The following SPTB variants were observed in gnomAD, a reference collection of about 807,000 sequenced individuals.
SPTB encodes the protein spectrin beta, erythrocytic.
Under a neutral mutation model 256.2 loss-of-function variants are expected in SPTB, and 45 were observed. That is an observed-to-expected ratio of 0.18 (90% CI 0.14 to 0.23). The LOEUF (loss-of-function observed/expected upper bound fraction) is 0.23. SPTB is among the 10% of genes least tolerant of loss of function. The probability of loss-of-function intolerance (pLI) is 1.00; values close to 1 mark genes in which losing one functional copy is unlikely to be tolerated. For missense variants in SPTB, 2,715 were observed against 3,040.4 expected, an observed-to-expected ratio of 0.89 and a Z score of 2.52; for synonymous variants, 1,231 against 1,243.1, an observed-to-expected ratio of 0.99 and a Z score of 0.21.
Position 64,792,265 on chromosome 14 carries a change from C to T in SPTB, c.2667-409G>A, listed in dbSNP as rs1479598373. Among the ~76,000 whole-genome samples the T allele has an allele frequency of 6.6e-6, 1 of 152,158 alleles. No homozygotes were observed. Among genetic ancestry groups the T allele is most frequent in the Admixed American group, 6.5e-5 (1 of 15,280 alleles). On this transcript the variant is annotated intron_variant, in intron 14 of 35. Transcript: ENST00000644917. The surrounding 1 kb of genome is among the most constrained non-coding windows in gnomAD (Gnocchi z 4.2). ...AGTCCAATGCCTTGACATCTTAACC[C>T]AAAAGATACCCTTTCCAGCCAGGTG...
Position 64,823,013 on chromosome 14 carries a change from C to G in SPTB, c.82G>C (p.Asp28His). The G allele has an allele frequency of 6.2e-7, 1 of 1,614,114 alleles. No individual in the cohort carries two copies. Among genetic ancestry groups the G allele is most frequent in the Non-Finnish European group, 8.5e-7 (1 of 1,180,024 alleles). ...GAGCTGTTGTCATTATCCAGCTCGT[C>G]GTCTGGGGCGTCCCAGCGGGCATTG... Reference protein sequence around the residue: ...RINARWDAPDDELDNDNSSAR... With the variant: ...RINARWDAPDHELDNDNSSAR... The change falls in exon 2 of 36, where the codon GAC becomes CAC. Residue 28 changes from aspartate to histidine, a missense_variant. Around this residue, in one of 4 missense-constraint regions of SPTB, gnomAD observed 58 missense variants for 67.9 expected, o/e 0.85. Transcript: ENST00000644917. The surrounding 1 kb of genome is among the most constrained non-coding windows in gnomAD (Gnocchi z 6.5).
At chr14:64,859,678 C>A (rs1216453710) in intron 1 of SPTB, among the ~76,000 whole-genome samples, 1 of 132,408 alleles carries the variant, frequency 7.6e-6, no homozygotes, top group Non-Finnish European at 1.6e-5. Flanking sequence ...CAGGGAGACT[C>A]TGTCTCTCTC....
intron 15 of SPTB, 43 bp from the exon 16 acceptor site, chr14:64,787,203 C>T: frequency 6.3e-7 from 1 of 1,598,934 alleles, no homozygotes; most frequent in Admixed American, 1.7e-5. Context: ...GACACCTTCT[C>T]CCTTAGCTCT....
In SPTB at chr14:64,845,589, G is replaced by A. The variant is rs1372463150; in HGVS notation, c.-51-22444C>T. Among the ~76,000 whole-genome samples, 1 of 152,244 alleles carries A rather than the reference G, an allele frequency of 6.6e-6. No homozygotes were observed. The highest frequency in any genetic ancestry group is 1.5e-5 in the Non-Finnish European group (1 of 68,048). ...TAAAGTTTTACCAGACTATAGGACT[G>A]TAGAGATGAAAAGCAAAAGGTTGTG... On this transcript the variant is annotated intron_variant, in intron 1 of 35. Coordinates refer to ENST00000644917, the MANE Select transcript of SPTB (RefSeq NM_001355436.2). The surrounding 1 kb of genome is among the most constrained non-coding windows in gnomAD (Gnocchi z 4.8).
Position 64,779,302 on chromosome 14 carries a change from G to A in SPTB, c.4474-56C>T, listed in dbSNP as rs929293698. On this transcript the variant is annotated intron_variant, in intron 21 of 35. Coordinates refer to ENST00000644917, the MANE Select transcript of SPTB (RefSeq NM_001355436.2). The surrounding 1 kb of genome is among the most constrained non-coding windows in gnomAD (Gnocchi z 4.2). ...ATGACAATCACGGCCAACCTTTCCT[G>A]AGTGCTCACCATGGGCGGCGCAGAG... The A allele has an allele frequency of 1.4e-6, 2 of 1,449,830 alleles. No homozygotes were observed. Among genetic ancestry groups the A allele is most frequent in the African/African-American group, 1.4e-5 (1 of 69,174 alleles). The allele number at this position is 1,449,830 out of a possible 1,614,324, so 89.8% of individuals were successfully genotyped here. A position where few individuals can be genotyped will look rare whatever the true frequency, so the allele number is the denominator to read the frequency against.
Position 64,826,742 on chromosome 14 carries a change from C to T in SPTB, c.-51-3597G>A, listed in dbSNP as rs144427990. On this transcript the variant is annotated intron_variant, in intron 1 of 35. Transcript: ENST00000644917. This position sits in a 1 kb window ranked among gnomAD's most constrained non-coding sequence, Gnocchi z 4.4. ...TTCTCTGGTCTCCGTGACTCTGTGC[C>T]CAGAGAGGTCCACCTGCCCCATCCA... 4.6e-4 allele frequency among the ~76,000 whole-genome samples: 70 copies of T among 152,212 alleles called. No individual in the cohort carries two copies. Among genetic ancestry groups the T allele is most frequent in the Non-Finnish European group, 8.1e-4 (55 of 68,014 alleles).
chr14:64,758,723 CA>C lies in SPTB; in HGVS notation c.6346-4931del, dbSNP rs2082051593. On this transcript the variant is annotated intron_variant, in intron 32 of 35. Coordinates refer to ENST00000644917, the MANE Select transcript of SPTB (RefSeq NM_001355436.2). This position sits in a 1 kb window ranked among gnomAD's most constrained non-coding sequence, Gnocchi z 4.6. The stretch of plus-strand genomic sequence containing the variant: ...TTCCCATCTGCCCAGGGAAAGTGCA[CA>C]AACAGCAGAGAGCAAGCTGGAGGGA... Among the ~76,000 whole-genome samples the C allele has an allele frequency of 6.6e-6, 1 of 152,190 alleles. No homozygotes were observed.
chr14:64,749,458 AG>A lies in SPTB; in HGVS notation c.6834del (p.Trp2279GlyfsTer5). 6.2e-7 allele frequency: 1 copy of A among 1,601,546 alleles called. No individual in the cohort carries two copies. The highest frequency in any genetic ancestry group is 8.5e-7 in the Non-Finnish European group (1 of 1,178,418). The part of the protein sequence containing the change: ...FHGKDEEEML[S>X]WLQGVSTAIN... ...ATGGCGGTGCTCACGCCCTGCAGCC[AG>A]GACAGCATCTCCTCCTGCGGGGCGG... is the stretch of plus-strand genomic sequence containing the variant. On this transcript the variant is annotated frameshift_variant, in exon 36 of 36. Transcript: ENST00000644917. LOFTEE classifies it high-confidence loss of function. This position sits in a 1 kb window ranked among gnomAD's most constrained non-coding sequence, Gnocchi z 4.7.
At chr14:64,879,260 C>G (rs963377817) in intron 1 of SPTB, among the ~76,000 whole-genome samples, 1 of 152,228 alleles carries the variant, frequency 6.6e-6, no homozygotes, top group Non-Finnish European at 1.5e-5. Context: ...GGAGGCCCGG[C>G]CCCCTCTGCT....
rs955389787 is a variant in SPTB, at chr14:64,827,720, T to TA, written c.-51-4576dup. Among the ~76,000 whole-genome samples, 1 of 152,192 alleles carries TA rather than the reference T, an allele frequency of 6.6e-6. No individual in the cohort carries two copies. Among genetic ancestry groups the TA allele is most frequent in the African/African-American group, 2.4e-5 (1 of 41,444 alleles). ...AATAAGACGTGCAGTGCAGAATACTTACTCTAAATCTATCTGCAGCCCTAA... is the reference window on the plus strand; with the variant it reads ...AATAAGACGTGCAGTGCAGAATACTTAACTCTAAATCTATCTGCAGCCCTAA... On this transcript the variant is annotated intron_variant, in intron 1 of 35. Coordinates refer to ENST00000644917, the MANE Select transcript of SPTB (RefSeq NM_001355436.2). This position sits in a 1 kb window ranked among gnomAD's most constrained non-coding sequence, Gnocchi z 4.6.
rs575983862 is a variant in SPTB, at chr14:64,759,046, G to A, written c.6346-5253C>T. Among the ~76,000 whole-genome samples, 2 of 152,264 alleles carry A rather than the reference G, an allele frequency of 1.3e-5. No homozygotes were observed. The highest frequency in any genetic ancestry group is 2.1e-4 in the South Asian group (1 of 4,828). On this transcript the variant is annotated intron_variant, in intron 32 of 35. Coordinates refer to ENST00000644917, the MANE Select transcript of SPTB (RefSeq NM_001355436.2). The surrounding 1 kb of genome is among the most constrained non-coding windows in gnomAD (Gnocchi z 4.8). ...AATTCTAGAGCTGGAAAGAGGCCTT[G>A]GGGTCATGGGACTCAGCCTCTCCTA...
chr14:64,782,481 G>A lies in SPTB; in HGVS notation c.4075C>T (p.Arg1359Trp), dbSNP rs189656371. The A allele has an allele frequency of 8.3e-4, 1,341 of 1,614,114 alleles. 5 individuals are homozygous for A. Among genetic ancestry groups the A allele is most frequent in the South Asian group, 3.8e-3 (342 of 91,078 alleles). Reference sequence around the variant, plus strand: ...GTGGCCTGCAGCTCGTCCCAGAGCCGGTGCAGGGCTTCCAGCTTTTGGGAC... The same window carrying A: ...GTGGCCTGCAGCTCGTCCCAGAGCCAGTGCAGGGCTTCCAGCTTTTGGGAC... ...LVSQKLEALH[R>W]LWDELQATTK... The change falls in exon 20 of 36, where the codon CGG becomes TGG. Residue 1359 changes from arginine (R) to tryptophan (W), a missense_variant. Coordinates refer to ENST00000644917, the MANE Select transcript of SPTB (RefSeq NM_001355436.2).
intron 32 of SPTB, chr14:64,754,488 C>T (rs1225661138): frequency 6.4e-6 from 1 of 155,708 alleles, no homozygotes; most frequent in East Asian, 1.9e-4. Context: ...AAGAAACATT[C>T]TCAGGCTCCA....
chr14:64,805,038 G>C lies in SPTB; in HGVS notation c.201C>G (p.His67Gln), dbSNP rs760171132. ...KKTFTKWVNSHLARVSCRITD... is the reference protein window; with the variant it reads ...KKTFTKWVNSQLARVSCRITD... ...TGATGCGGCAGGACACTCGAGCCAG[G>C]TGCGAGTTCACCCATTTCGTGAAGG... The change falls in exon 3 of 36, where the codon CAC (histidine) becomes CAG (glutamine). Residue 67 changes from histidine to glutamine, a missense_variant. By Grantham distance (24) the His-to-Gln change is conservative. Coordinates refer to ENST00000644917, the MANE Select transcript of SPTB (RefSeq NM_001355436.2). The C allele has an allele frequency of 1.9e-6, 3 of 1,614,162 alleles. No homozygotes were observed. The South Asian group carries it at 3.3e-5, about 18-fold the overall frequency.
rs530388185 is a variant in SPTB, at chr14:64,760,867, G to A, written c.6345+5859C>T. ...CACATTAGTGAGGAATGTTGAGGTC[G>A]CAGGTCTGTCTGGCACCAAACTCTG... On this transcript the variant is annotated intron_variant, in intron 32 of 35. Coordinates refer to ENST00000644917, the MANE Select transcript of SPTB (RefSeq NM_001355436.2). This position sits in a 1 kb window ranked among gnomAD's most constrained non-coding sequence, Gnocchi z 4.3. Among the ~76,000 whole-genome samples, 19 of 152,332 alleles carry A rather than the reference G, an allele frequency of 1.2e-4. No individual in the cohort carries two copies. Among genetic ancestry groups the A allele is most frequent in the Admixed American group, 7.2e-4 (11 of 15,308 alleles).
intron 1 of SPTB, among the ~76,000 whole-genome samples, chr14:64,878,265 G>A (rs545764476): frequency 6.6e-6 from 1 of 152,236 alleles, no homozygotes; most frequent in African/African-American, 2.4e-5. Context: ...GGGTTTCAAG[G>A]CTGGTGGGCT....
intron 24 of SPTB, among the ~76,000 whole-genome samples, chr14:64,773,736 T>TG (rs1314762321): frequency 3.1e-4 from 47 of 152,242 alleles, no homozygotes; most frequent in Non-Finnish European, 5.9e-5. Flanking sequence ...CCAGAGAGGC[T>TG]GGGGGAGCAG....
In SPTB at chr14:64,841,022, A is replaced by G. The variant is rs1488123092; in HGVS notation, c.-51-17877T>C. Among the ~76,000 whole-genome samples the G allele has an allele frequency of 6.6e-6, 1 of 152,200 alleles. No homozygotes were observed. The highest frequency in any genetic ancestry group is 1.5e-5 in the Non-Finnish European group (1 of 68,042). ...GAAAAACTGCTTTTCTCTGTGCTCC[A>G]GTTTCCTCACCCAGTTAAAAGTAAA... On this transcript the variant is annotated intron_variant, in intron 1 of 35. Coordinates refer to ENST00000644917, the MANE Select transcript of SPTB (RefSeq NM_001355436.2). This position sits in a 1 kb window ranked among gnomAD's most constrained non-coding sequence, Gnocchi z 4.6.
At chr14:64,834,103 T>G (rs1415929236) in intron 1 of SPTB, among the ~76,000 whole-genome samples, 1 of 152,172 alleles carries the variant, frequency 6.6e-6, no homozygotes, top group Non-Finnish European at 1.5e-5. Context: ...CTCGGCTCAC[T>G]GCAACCTCCG....
Sources: gnomAD v4.1 joint callset for allele counts (sites outside exome capture counted in the v4.1 genomes callset) on GRCh38, gnomAD v4.1.1 for gene constraint, gnomAD v4.1.1 regional missense constraint, Gnocchi (gnomAD v3.1) non-coding constraint, MANE v1.5 for transcripts, NCBI Gene and HGNC (gene_info 2026-07-23, HGNC 2026-07-21) for gene names.